Variants in NXPH1 observed in about 807,000 individuals in gnomAD.
The protein encoded by NXPH1 is neurexophilin 1.
A neutral mutation model predicts 23.7 loss-of-function variants in NXPH1; 5 were observed. The ratio of observed to expected loss-of-function variants is 0.21; its 90% CI spans 0.11 to 0.44. The LOEUF (loss-of-function observed/expected upper bound fraction) is 0.44. Ranked by LOEUF, NXPH1 falls within the 20% of genes least tolerant of loss-of-function variation. NXPH1 has a pLI of 0.99. For missense variants in NXPH1, 324 were observed against 321.6 expected, an observed-to-expected ratio of 1.01 and a Z score of -0.06; for synonymous variants, 144 against 122.2, an observed-to-expected ratio of 1.18 and a Z score of -1.18.
At chr7:8,728,920 G>T (rs1780102629) in intron 2 of NXPH1, among the ~76,000 whole-genome samples, 1 of 149,882 alleles carries the variant, frequency 6.7e-6, no homozygotes, top group Admixed American at 6.6e-5. Flanking sequence ...AATGGTACCA[G>T]TTCCTCCTTG....
intron 2 of NXPH1, among the ~76,000 whole-genome samples, chr7:8,464,572 A>G (rs1001909014): frequency 6.6e-6 from 1 of 152,210 alleles, no homozygotes; most frequent in Non-Finnish European, 1.5e-5. Context: ...TCCTTAACAT[A>G]TATCACTTGC....
chr7:8,607,182 T>A (rs1345602642), intron 2 of NXPH1, among the ~76,000 whole-genome samples: 1 of 152,134 alleles, frequency 6.6e-6, no homozygotes, highest in African/African-American at 2.4e-5. Flanking sequence ...CATTGGAACA[T>A]TTTAAATTTA....
chr7:8,511,987 C>T (rs1817620350), intron 2 of NXPH1, among the ~76,000 whole-genome samples: 2 of 152,144 alleles, frequency 1.3e-5, no homozygotes, highest in Non-Finnish European at 2.9e-5. Context: ...TCAGCCAGGG[C>T]AGATGCTAGA....
intron 2 of NXPH1, among the ~76,000 whole-genome samples, chr7:8,735,826 C>A (rs564244340): frequency 6.6e-6 from 1 of 152,178 alleles, no homozygotes; most frequent in East Asian, 1.9e-4. Flanking sequence ...CATTATTGGT[C>A]TATTCAGGGA....
At chr7:8,461,836 C>CAAAAAAAAAAAAAAAAA (rs748848772) in intron 2 of NXPH1, among the ~76,000 whole-genome samples, 2 of 41,748 alleles carry the variant, frequency 4.8e-5, no homozygotes, top group African/African-American at 8.6e-5. Flanking sequence ...GACTCCGTCT[C>CAAAAAAAAAAAAAAAAA]AAAAAAAAAA....
chr7:8,446,861 C>T (rs1223195605), intron 2 of NXPH1, among the ~76,000 whole-genome samples: 1 of 151,896 alleles, frequency 6.6e-6, no homozygotes, highest in African/African-American at 2.4e-5. Flanking sequence ...TTTTAAAAAG[C>T]TGTTCCCCTC....
chr7:8,572,878 G>T (rs1818676875), intron 2 of NXPH1, among the ~76,000 whole-genome samples: 1 of 151,682 alleles, frequency 6.6e-6, no homozygotes, highest in South Asian at 2.1e-4. Context: ...CATTTGAGAA[G>T]GTCTTACAGA....
chr7:8,513,441 CA>C (rs1817640678), intron 2 of NXPH1, among the ~76,000 whole-genome samples: 1 of 152,090 alleles, frequency 6.6e-6, no homozygotes, highest in Non-Finnish European at 1.5e-5. Flanking sequence ...CATTAATATT[CA>C]CATATTTGGT....
chr7:8,686,112 C>T (rs932388717), intron 2 of NXPH1, among the ~76,000 whole-genome samples: 1 of 152,102 alleles, frequency 6.6e-6, no homozygotes, highest in Admixed American at 6.6e-5. Context: ...CCTATCCCAA[C>T]CGAAAAGAGC....
intron 2 of NXPH1, among the ~76,000 whole-genome samples, chr7:8,715,162 A>G (rs1448326530): frequency 2.0e-5 from 3 of 152,108 alleles, no homozygotes; most frequent in African/African-American, 7.2e-5. Flanking sequence ...GGCTGGTCCA[A>G]ATGCCCCCTC....
intron 2 of NXPH1, among the ~76,000 whole-genome samples, chr7:8,650,021 C>G (rs1218994290): frequency 3.4e-5 from 3 of 87,806 alleles, no homozygotes; most frequent in African/African-American, 1.0e-4. Flanking sequence ...TGAAACCTGT[C>G]TACTTGGAGG....
At chr7:8,441,072 C>T (rs1336581356) in intron 2 of NXPH1, among the ~76,000 whole-genome samples, 1 of 152,070 alleles carries the variant, frequency 6.6e-6, no homozygotes, top group Non-Finnish European at 1.5e-5. Flanking sequence ...AGCTTTGATT[C>T]GATTCAGGAA....
At position 8,650,240 on chromosome 7, in the gene NXPH1, AT is replaced by A. The variant is rs557274177; in HGVS notation, c.55-100761del. Among the ~76,000 whole-genome samples the A allele has an allele frequency of 1.4e-3, 217 of 152,254 alleles. 1 individual carries two copies. The highest frequency in any genetic ancestry group is 5.1e-3 in the African/African-American group (213 of 41,556). ...ATTAGAAACTTCCAAGTCTGCCTTT[AT>A]TTTTTTCTAATACAATTATTTGCTA... On this transcript the variant is annotated intron_variant, in intron 2 of 2. Coordinates refer to ENST00000405863, the MANE Select transcript of NXPH1 (RefSeq NM_152745.3).
chr7:8,751,870 C>G lies in NXPH1; in HGVS notation c.*101C>G. 2 of 1,124,366 alleles carry G rather than the reference C, an allele frequency of 1.8e-6. No individual in the cohort carries two copies. Among genetic ancestry groups the G allele is most frequent in the South Asian group, 1.6e-5 (1 of 61,054 alleles). 69.6% of individuals were successfully genotyped at this position (1,124,366 alleles called of 1,614,324 possible). A position where few individuals can be genotyped will look rare whatever the true frequency, so the allele number is the denominator to read the frequency against. On this transcript the variant is annotated 3_prime_UTR_variant, in exon 3 of 3. Coordinates refer to ENST00000405863, the MANE Select transcript of NXPH1 (RefSeq NM_152745.3). The surrounding 1 kb of genome is among the most constrained non-coding windows in gnomAD (Gnocchi z 4.5). The stretch of plus-strand genomic sequence containing the variant: ...GTCACATCTGTTGCCTGGAATGTGT[C>G]TACACTGCTGCTCTTGTCAACTGGC...
chr7:8,533,739 G>T (rs1165352382), intron 2 of NXPH1, among the ~76,000 whole-genome samples: 1 of 152,044 alleles, frequency 6.6e-6, no homozygotes, highest in East Asian at 1.9e-4. Context: ...GGACCCAGTG[G>T]CATTGGTCCC....
chr7:8,501,624 A>G (rs1309210761), intron 2 of NXPH1, among the ~76,000 whole-genome samples: 2 of 152,108 alleles, frequency 1.3e-5, no homozygotes, highest in Admixed American at 6.6e-5. Flanking sequence ...ACATTCTACC[A>G]TTTTACAGGT....
At chr7:8,662,971 G>A (rs1359963016) in intron 2 of NXPH1, among the ~76,000 whole-genome samples, 1 of 152,002 alleles carries the variant, frequency 6.6e-6, no homozygotes. Flanking sequence ...AAAATTTACT[G>A]ATTATAACAC....
intron 2 of NXPH1, among the ~76,000 whole-genome samples, chr7:8,602,066 A>G (rs1819374624): frequency 6.6e-6 from 1 of 152,224 alleles, no homozygotes; most frequent in African/African-American, 2.4e-5. Context: ...TATATCAGAA[A>G]AGTACACAAC....
chr7:8,595,399 A>C (rs1262727554), intron 2 of NXPH1, among the ~76,000 whole-genome samples: 1 of 152,052 alleles, frequency 6.6e-6, no homozygotes, highest in Non-Finnish European at 1.5e-5. Context: ...AATGAACTTA[A>C]AGCCATGTTT....
Sources: gnomAD v4.1 joint callset for allele counts (sites outside exome capture counted in the v4.1 genomes callset) on GRCh38, gnomAD v4.1.1 for gene constraint, Gnocchi (gnomAD v3.1) non-coding constraint, MANE v1.5 for transcripts, NCBI Gene and HGNC (gene_info 2026-07-23, HGNC 2026-07-21) for gene names.